The following EPM2A variants were observed in gnomAD, a reference collection of about 807,000 sequenced individuals.
The protein encoded by EPM2A is EPM2A glucan phosphatase, laforin.
Under a neutral mutation model 26.5 loss-of-function variants are expected in EPM2A, and 21 were observed. That is an observed-to-expected ratio of 0.79 (90% CI 0.56 to 1.14). EPM2A has a LOEUF of 1.14. Ranked by LOEUF, EPM2A falls within the 50% of genes most tolerant of loss-of-function variation. EPM2A has a pLI of 0.00. For missense variants in EPM2A, 458 were observed against 440.8 expected (o/e 1.04, Z -0.35); for synonymous variants, 217 against 177.6 (o/e 1.22, Z -1.76).
At chr6:145,714,781 A>G (rs1775525746) in intron 1 of EPM2A, among the ~76,000 whole-genome samples, 1 of 152,144 alleles carries the variant, frequency 6.6e-6, no homozygotes, top group Non-Finnish European at 1.5e-5. Flanking sequence ...ATCTCATGAG[A>G]CTTATTCACT....
intron 3 of EPM2A, chr6:145,629,401 C>G (rs1293083435): frequency 6.6e-6 from 1 of 152,240 alleles, no homozygotes; most frequent in South Asian, 2.1e-4. Flanking sequence ...CACTCAGTTA[C>G]TCATGGTGCC....
At chr6:145,614,606 A>C (rs1189871311) in intron 2 of EPM2A, among the ~76,000 whole-genome samples, 4 of 152,160 alleles carry the variant, frequency 2.6e-5, no homozygotes, top group Non-Finnish European at 4.4e-5. Context: ...CAGAGTTATT[A>C]ACTGGCTTAA....
At chr6:145,396,456 C>T (rs1198476746) in intron 4 of EPM2A, among the ~76,000 whole-genome samples, 1 of 152,224 alleles carries the variant, frequency 6.6e-6, no homozygotes, top group Non-Finnish European at 1.5e-5. Flanking sequence ...GTACCCAGCA[C>T]TCTTTAGAGA....
intron 2 of EPM2A, among the ~76,000 whole-genome samples, chr6:145,549,579 A>C (rs892868368): frequency 6.6e-6 from 1 of 152,078 alleles, no homozygotes; most frequent in Non-Finnish European, 1.5e-5. Flanking sequence ...AAAATAAATA[A>C]ATTCTAACAC....
intron 4 of EPM2A, among the ~76,000 whole-genome samples, chr6:145,452,616 G>C (rs1779212394): frequency 6.6e-6 from 1 of 150,604 alleles, no homozygotes; most frequent in African/African-American, 2.5e-5. Context: ...AGCTTGCAGG[G>C]AGGCGGAGCT....
chr6:145,390,723 G>A (rs1778326404), intron 4 of EPM2A, among the ~76,000 whole-genome samples: 1 of 152,090 alleles, frequency 6.6e-6, no homozygotes, highest in Non-Finnish European at 1.5e-5. Context: ...TGTAAAAGAT[G>A]TACATATGCA....
chr6:145,517,483 T>C (rs1006879178), intron 2 of EPM2A, among the ~76,000 whole-genome samples: 2 of 152,160 alleles, frequency 1.3e-5, no homozygotes, highest in African/African-American at 4.8e-5. Flanking sequence ...CACACGTTAT[T>C]ATAAACAGAG....
At chr6:145,720,137 A>T (rs1377267828) in intron 1 of EPM2A, among the ~76,000 whole-genome samples, 1 of 152,192 alleles carries the variant, frequency 6.6e-6, no homozygotes, top group Non-Finnish European at 1.5e-5. Context: ...AAAAGACAAC[A>T]TTATCAAGCT....
chr6:145,656,248 G>C (rs1778274831), intron 2 of EPM2A, among the ~76,000 whole-genome samples: 1 of 152,194 alleles, frequency 6.6e-6, no homozygotes, highest in African/African-American at 2.4e-5. Context: ...GAGAACACTT[G>C]AGTTCAACAG....
At chr6:145,501,902 T>C in intron 3 of EPM2A, 1 of 467,966 alleles carries the variant, frequency 2.1e-6, no homozygotes, top group South Asian at 1.6e-5. Context: ...ATTGTTATTG[T>C]TCTCATTTTA....
chr6:145,689,189 T>A (rs1289900761), intron 1 of EPM2A, among the ~76,000 whole-genome samples: 1 of 152,204 alleles, frequency 6.6e-6, no homozygotes, highest in Non-Finnish European at 1.5e-5. Context: ...TTTTTAAAAG[T>A]CTTTCATGGA....
chr6:145,502,615 T>G (rs949617625), intron 2 of EPM2A: 3 of 470,544 alleles, frequency 6.4e-6, no homozygotes, highest in African/African-American at 6.0e-5. Flanking sequence ...TATTAAAACC[T>G]GGCACAGTGC....
chr6:145,709,556 G>A (rs925753134), intron 1 of EPM2A, among the ~76,000 whole-genome samples: 1 of 152,156 alleles, frequency 6.6e-6, no homozygotes, highest in East Asian at 1.9e-4. Flanking sequence ...CCAGCCATGT[G>A]GAACTGTGAG....
At chr6:145,719,186 G>A (rs1268226051) in intron 1 of EPM2A, among the ~76,000 whole-genome samples, 7 of 150,292 alleles carry the variant, frequency 4.7e-5, no homozygotes, top group Non-Finnish European at 8.9e-5. Context: ...TGTTTATTGC[G>A]GCATTATTCA....
chr6:145,647,842 T>C (rs1457521464), intron 2 of EPM2A, among the ~76,000 whole-genome samples: 1 of 152,238 alleles, frequency 6.6e-6, no homozygotes, highest in African/African-American at 2.4e-5. Context: ...CAAAACTGTG[T>C]TGAAGACATT....
chr6:145,549,807 G>C (rs1219909675), intron 2 of EPM2A, among the ~76,000 whole-genome samples: 1 of 152,122 alleles, frequency 6.6e-6, no homozygotes, highest in African/African-American at 2.4e-5. Flanking sequence ...TGTGGCAGTA[G>C]TGTGCAGAAG....
At chr6:145,502,444 AAT>A (rs529895468) in intron 3 of EPM2A, 5,775 of 460,956 alleles carry the variant, frequency 0.013, 72 homozygotes, top group South Asian at 0.019. Context: ...ACAGCCCCCA[AAT>A]ATATGACTTT....
intron 1 of EPM2A, among the ~76,000 whole-genome samples, chr6:145,708,899 C>G (rs1190940121): frequency 6.6e-6 from 1 of 152,152 alleles, no homozygotes; most frequent in African/African-American, 2.4e-5. Context: ...GGGCTGGACA[C>G]TGCAAAGTCT....
At chr6:145,508,599 A>T (rs569186433) in intron 2 of EPM2A, among the ~76,000 whole-genome samples, 6 of 152,290 alleles carry the variant, frequency 3.9e-5, no homozygotes, top group African/African-American at 2.4e-5. Flanking sequence ...CCCCATCAAA[A>T]CAATAGCAAA....
Sources: gnomAD v4.1 joint callset for allele counts (sites outside exome capture counted in the v4.1 genomes callset) on GRCh38, gnomAD v4.1.1 for gene constraint, MANE v1.5 for transcripts, NCBI Gene and HGNC (gene_info 2026-07-23, HGNC 2026-07-21) for gene names.